Variants in MED13L observed in about 807,000 individuals in gnomAD.
MED13L encodes mediator complex subunit 13L.
Under a neutral mutation model 220.9 loss-of-function variants are expected in MED13L, and 7 were observed. The observed-to-expected ratio is 0.03, with a 90% CI of 0.02 to 0.06. The LOEUF is 0.06. Among genes scored for constraint, MED13L ranks in the 10% least tolerant of loss-of-function variants. The pLI, the probability that MED13L is intolerant of heterozygous loss-of-function variation, is 1.00. For missense variants in MED13L, 1,965 were observed against 2,760.5 expected (o/e 0.71, Z 6.46); for synonymous variants, 1,011 against 1,015.2 (o/e 1.00, Z 0.08).
intron 4 of MED13L, among the ~76,000 whole-genome samples, chr12:116,040,333 A>G (rs1881449533): frequency 6.6e-6 from 1 of 152,242 alleles, no homozygotes; most frequent in Non-Finnish European, 1.5e-5. Flanking sequence ...TGAAGTTATA[A>G]GATACTATTT....
intron 4 of MED13L, among the ~76,000 whole-genome samples, chr12:116,031,616 A>T (rs1326556879): frequency 1.2e-5 from 1 of 85,038 alleles, no homozygotes; most frequent in Non-Finnish European, 2.2e-5. Context: ...AAGAGAAGAG[A>T]AGGAGGGGAG....
At position 115,987,032 on chromosome 12, in the gene MED13L, C is replaced by T. The variant is rs996501084; in HGVS notation, c.4114+77G>A. 2.1e-6 allele frequency: 3 copies of T among 1,446,800 alleles called. No homozygotes were observed. The African/African-American group carries it at 4.2e-5, about 20-fold the overall frequency. The allele number at this position is 1,446,800 out of a possible 1,614,324, so 89.6% of individuals were successfully genotyped here. A position where few individuals can be genotyped will look rare whatever the true frequency, so the allele number is the denominator to read the frequency against. ...CCCTATTTTGTTAGTGACGCAAGGA[C>T]TTGACAGTAACTAACGCTGCTCTTC... On this transcript the variant is annotated intron_variant, in intron 18 of 30. Coordinates refer to ENST00000281928, the MANE Select transcript of MED13L (RefSeq NM_015335.5).
intron 1 of MED13L, among the ~76,000 whole-genome samples, chr12:116,259,238 G>C (rs951511275): frequency 5.9e-5 from 9 of 152,176 alleles, no homozygotes; most frequent in African/African-American, 1.7e-4. Flanking sequence ...AATACTTGAA[G>C]ACAATGTTAA....
chr12:116,044,805 C>T (rs1238551356), intron 4 of MED13L, among the ~76,000 whole-genome samples: 2 of 152,186 alleles, frequency 1.3e-5, no homozygotes, highest in Non-Finnish European at 2.9e-5. Flanking sequence ...CAAGATTAAA[C>T]AAGTGAACCA....
chr12:116,127,962 CCTT>C lies in MED13L; in HGVS notation c.311-16453_311-16451del, dbSNP rs1875736137. 3.3e-5 allele frequency among the ~76,000 whole-genome samples: 5 copies of C among 152,286 alleles called. No individual in the cohort carries two copies. The South Asian group carries it at 1.0e-3, about 32-fold the overall frequency. On this transcript the variant is annotated intron_variant, in intron 2 of 30. Coordinates refer to ENST00000281928, the MANE Select transcript of MED13L (RefSeq NM_015335.5). Reference sequence around the variant, plus strand: ...TGTGTACTCATTTCAACAGCACTGGCCTTCTTTTTTCCAACAAAGTGAGCTCAA... The same window carrying C: ...TGTGTACTCATTTCAACAGCACTGGCCTTTTTTCCAACAAAGTGAGCTCAA...
intron 2 of MED13L, among the ~76,000 whole-genome samples, chr12:116,189,397 T>C (rs1465480427): frequency 6.6e-6 from 1 of 152,138 alleles, no homozygotes; most frequent in African/African-American, 2.4e-5. Flanking sequence ...TATATACAAG[T>C]ACTAGCTCTC....
At chr12:116,139,725 T>C (rs1033673883) in intron 2 of MED13L, among the ~76,000 whole-genome samples, 3 of 152,254 alleles carry the variant, frequency 2.0e-5, no homozygotes, top group African/African-American at 7.2e-5. Context: ...CCGCGTGTGG[T>C]GGCTCACGTC....
intron 2 of MED13L, among the ~76,000 whole-genome samples, chr12:116,169,875 G>C (rs1879546714): frequency 6.6e-6 from 1 of 152,106 alleles, no homozygotes; most frequent in Non-Finnish European, 1.5e-5. Flanking sequence ...AAATCACCAG[G>C]GCGTGTGGCA....
intron 4 of MED13L, among the ~76,000 whole-genome samples, chr12:116,029,008 C>A (rs1432710087): frequency 6.6e-6 from 1 of 152,112 alleles, no homozygotes; most frequent in Non-Finnish European, 1.5e-5. Flanking sequence ...CGCTGAAGCA[C>A]CTCCTCTTGA....
intron 1 of MED13L, among the ~76,000 whole-genome samples, chr12:116,259,772 C>T (rs1872362154): frequency 1.3e-5 from 2 of 152,140 alleles, no homozygotes; most frequent in Non-Finnish European, 2.9e-5. Flanking sequence ...CTGGAAGTTA[C>T]CTTCCTGAAG....
At chr12:116,113,609 T>A (rs1874268432) in intron 2 of MED13L, among the ~76,000 whole-genome samples, 1 of 149,184 alleles carries the variant, frequency 6.7e-6, no homozygotes, top group African/African-American at 2.5e-5. Flanking sequence ...CAAGCCATGA[T>A]CATGCCACCA....
intron 2 of MED13L, among the ~76,000 whole-genome samples, chr12:116,230,970 T>C (rs1259477477): frequency 2.0e-5 from 3 of 152,172 alleles, no homozygotes; most frequent in Non-Finnish European, 4.4e-5. Flanking sequence ...TGCTAAGCAA[T>C]AGGGGCTATT....
chr12:116,239,316 T>C (rs972292619), intron 1 of MED13L, among the ~76,000 whole-genome samples: 2 of 152,182 alleles, frequency 1.3e-5, no homozygotes, highest in Non-Finnish European at 2.9e-5. Context: ...ATATGTTACT[T>C]GGTTTCCTCT....
chr12:115,986,623 G>T, intron 18 of MED13L, 134 bp from the exon 19 acceptor site: 1 of 884,248 alleles, frequency 1.1e-6, no homozygotes, highest in Non-Finnish European at 1.8e-6. Context: ...ATTCTTAAAA[G>T]TATTTTTGAA....
intron 2 of MED13L, among the ~76,000 whole-genome samples, chr12:116,190,985 G>A (rs1210502980): frequency 1.3e-5 from 2 of 151,824 alleles, no homozygotes; most frequent in African/African-American, 2.4e-5. Flanking sequence ...CCAGCTACTC[G>A]GGATGCTGAG....
At chr12:116,171,701 G>A (rs1593126557) in intron 2 of MED13L, among the ~76,000 whole-genome samples, 1 of 152,000 alleles carries the variant, frequency 6.6e-6, no homozygotes, top group East Asian at 1.9e-4. Context: ...TCCTGATCTG[G>A]GTACAATCCT....
intron 2 of MED13L, among the ~76,000 whole-genome samples, chr12:116,194,304 T>A (rs918665497): frequency 3.9e-5 from 6 of 152,092 alleles, no homozygotes; most frequent in Non-Finnish European, 7.4e-5. Context: ...TAGCTGGGAT[T>A]ACAGACTTGC....
At chr12:116,204,338 C>A (rs983817498) in intron 2 of MED13L, among the ~76,000 whole-genome samples, 2 of 152,222 alleles carry the variant, frequency 1.3e-5, no homozygotes, top group African/African-American at 4.8e-5. Flanking sequence ...CAGACGTAAA[C>A]TGAATTGCTG....
chr12:116,062,489 T>TCTG (rs1491319089), intron 4 of MED13L, among the ~76,000 whole-genome samples: 1 of 8,838 alleles, frequency 1.1e-4, no homozygotes, highest in Admixed American at 2.0e-3. Flanking sequence ...TCTCTCTGTG[T>TCTG]TTTTTTTTTT....
Sources: allele counts gnomAD v4.1 joint callset (sites outside exome capture counted in the v4.1 genomes callset), GRCh38; gene constraint gnomAD v4.1.1; transcripts MANE v1.5; gene names NCBI Gene and HGNC (gene_info 2026-07-23, HGNC 2026-07-21).